The following ABCC5 variants were observed in gnomAD, a reference collection of about 807,000 sequenced individuals.
The protein encoded by ABCC5 is ATP-binding cassette sub-family C member 5.
Under a neutral mutation model 160.9 loss-of-function variants are expected in ABCC5, and 61 were observed. That is an observed-to-expected ratio of 0.38 (90% CI 0.31 to 0.47). ABCC5 has a LOEUF of 0.47. Ranked by LOEUF, ABCC5 falls within the 20% of genes least tolerant of loss-of-function variation. ABCC5 has a pLI of 0.99. For synonymous variants in ABCC5, 666 were observed against 700.6 expected (o/e 0.95, Z 0.78); for missense variants, 1,308 against 1,813.3 (o/e 0.72, Z 5.06).
At chr3:184,002,743 G>A (rs1720853425) in intron 2 of ABCC5, among the ~76,000 whole-genome samples, 1 of 152,168 alleles carries the variant, frequency 6.6e-6, no homozygotes, top group South Asian at 2.1e-4. Flanking sequence ...CAGATACCAG[G>A]GGCCAGAAAT....
At chr3:183,999,506 G>A (rs1576927539) in intron 2 of ABCC5, among the ~76,000 whole-genome samples, 1 of 152,156 alleles carries the variant, frequency 6.6e-6, no homozygotes, top group African/African-American at 2.4e-5. Flanking sequence ...TGGGCCAGGT[G>A]CACTGGCTCA....
Position 183,920,044 on chromosome 3 carries a change from G to A in ABCC5, c.*1256C>T, listed in dbSNP as rs1711831777. Reference sequence around the variant, plus strand: ...TGTCTAGTTGGTCACGACATGCAACGCTGACCATTCAATTGATGACAGCAG... The same window carrying A: ...TGTCTAGTTGGTCACGACATGCAACACTGACCATTCAATTGATGACAGCAG... On this transcript the variant is annotated 3_prime_UTR_variant, in exon 30 of 30. Transcript: ENST00000334444. This position sits in a 1 kb window ranked among gnomAD's most constrained non-coding sequence, Gnocchi z 4.1. 6.6e-6 allele frequency: 1 copy of A among 152,630 alleles called. No individual in the cohort carries two copies. The highest frequency in any genetic ancestry group is 2.4e-5 in the African/African-American group (1 of 41,428). The allele number at this position is 152,630 out of a possible 1,614,324, so 9.5% of individuals were successfully genotyped here.
chr3:184,001,097 T>C, intron 2 of ABCC5: 1 of 412,388 alleles, frequency 2.4e-6, no homozygotes, highest in Non-Finnish European at 4.3e-6. Context: ...TATAAAAAAT[T>C]TAAAAGTTAG....
chr3:183,984,709 A>G (rs1719044902), intron 5 of ABCC5: 5 of 1,523,498 alleles, frequency 3.3e-6, no homozygotes, highest in South Asian at 2.5e-5. Flanking sequence ...ACCACTGTAT[A>G]CAGCCGGGTT....
intron 2 of ABCC5, among the ~76,000 whole-genome samples, chr3:183,999,549 G>T (rs950487347): frequency 1.8e-4 from 27 of 152,102 alleles, no homozygotes; most frequent in African/African-American, 6.5e-4. Flanking sequence ...AGGCCAAAGT[G>T]GGAGGATCGC....
Position 183,994,927 on chromosome 3 carries a change from G to A in ABCC5, c.130-5544C>T, listed in dbSNP as rs890419012. 2.7e-5 allele frequency among the ~76,000 whole-genome samples: 4 copies of A among 147,258 alleles called. No individual in the cohort carries two copies. In the East Asian group the frequency reaches 6.1e-4, roughly 22 times the overall value. Reference sequence around the variant, plus strand: ...GCTGGGAGTGCAATGGCATGATCACGGCTCATTGCAGCCTTGAACTCCCAG... The same window carrying A: ...GCTGGGAGTGCAATGGCATGATCACAGCTCATTGCAGCCTTGAACTCCCAG... On this transcript the variant is annotated intron_variant, in intron 2 of 29. Coordinates refer to ENST00000334444, the MANE Select transcript of ABCC5 (RefSeq NM_005688.4).
At chr3:183,967,133 C>A (rs1717294802) in intron 12 of ABCC5, among the ~76,000 whole-genome samples, 1 of 151,946 alleles carries the variant, frequency 6.6e-6, no homozygotes, top group African/African-American at 2.4e-5. Context: ...CTGGGCCCTG[C>A]ACGCTGTTCA....
intron 16 of ABCC5, among the ~76,000 whole-genome samples, chr3:183,960,709 G>C (rs1170042794): frequency 6.6e-6 from 1 of 152,032 alleles, no homozygotes; most frequent in Non-Finnish European, 1.5e-5. Context: ...GGGCACACAG[G>C]GACTCAATAA....
intron 2 of ABCC5, among the ~76,000 whole-genome samples, chr3:183,997,197 C>T (rs1720352104): frequency 6.6e-6 from 1 of 151,846 alleles, no homozygotes; most frequent in African/African-American, 2.4e-5. Context: ...ATGAAGATCT[C>T]CACAGGCAGA....
chr3:183,941,991 A>G (rs549082857), intron 25 of ABCC5, among the ~76,000 whole-genome samples: 1 of 152,114 alleles, frequency 6.6e-6, no homozygotes, highest in East Asian at 1.9e-4. Flanking sequence ...AAAGAAGTAA[A>G]TTACTCAAGT....
At chr3:183,934,237 CA>C (rs1445878266) in intron 26 of ABCC5, among the ~76,000 whole-genome samples, 3 of 152,210 alleles carry the variant, frequency 2.0e-5, no homozygotes, top group Non-Finnish European at 4.4e-5. Context: ...ACCCAGGAGG[CA>C]GAGGTTGCAG....
Position 183,973,801 on chromosome 3 carries a change from A to G in ABCC5, c.1405-1882T>C, listed in dbSNP as rs1717980730. Among the ~76,000 whole-genome samples the G allele has an allele frequency of 2.6e-5, 4 of 152,192 alleles. No individual in the cohort carries two copies. In the South Asian group the frequency reaches 8.3e-4, roughly 32 times the overall value. On this transcript the variant is annotated intron_variant, in intron 10 of 29. Transcript: ENST00000334444. The stretch of plus-strand genomic sequence containing the variant: ...TTGAACTAAGAGTAACATGCCAAAC[A>G]TTTTGATCACCTTCACAGAGTAAAA...
intron 25 of ABCC5, among the ~76,000 whole-genome samples, chr3:183,940,172 G>A (rs936662367): frequency 3.9e-5 from 6 of 152,152 alleles, no homozygotes; most frequent in Non-Finnish European, 5.9e-5. Flanking sequence ...AACCTGGTCC[G>A]TCTAGCAGGA....
At chr3:184,013,551 G>T (rs1721934529) in intron 2 of ABCC5, among the ~76,000 whole-genome samples, 1 of 152,086 alleles carries the variant, frequency 6.6e-6, no homozygotes, top group South Asian at 2.1e-4. Context: ...ACTGTGCCTG[G>T]CCAGGTTCAC....
chr3:183,961,459 G>A, intron 16 of ABCC5, 52 bp downstream of exon 16: 1 of 1,600,564 alleles, frequency 6.2e-7, no homozygotes, highest in Non-Finnish European at 8.5e-7. Flanking sequence ...CTCCGGCTGT[G>A]TTTCCCTTGC....
At chr3:184,002,185 G>A (rs1362407252) in intron 2 of ABCC5, among the ~76,000 whole-genome samples, 1 of 152,110 alleles carries the variant, frequency 6.6e-6, no homozygotes. Context: ...ATCACCTAAG[G>A]TTGGGAGTTC....
rs140504738 is a variant in ABCC5 at position 183,952,207 on chromosome 3, C to T, written c.2668-204G>A. Among the ~76,000 whole-genome samples, 542 of 146,670 alleles carry T rather than the reference C, an allele frequency of 3.7e-3. 2 individuals carry two copies. Among genetic ancestry groups the T allele is most frequent in the African/African-American group, 0.013 (504 of 38,610 alleles). On this transcript the variant is annotated intron_variant, in intron 18 of 29. Transcript: ENST00000334444. ...TGTCACCCAGGCTGGAGTGCAGTGGCGCAATCATGGCTCACTGCACCCTCT... is the reference window on the plus strand; with the variant it reads ...TGTCACCCAGGCTGGAGTGCAGTGGTGCAATCATGGCTCACTGCACCCTCT...
intron 10 of ABCC5, among the ~76,000 whole-genome samples, chr3:183,976,263 A>C (rs142189300): frequency 2.8e-4 from 42 of 151,974 alleles, no homozygotes; most frequent in East Asian, 2.5e-3. Context: ...ACAAAAAAAA[A>C]CAAAAACACA....
At position 184,007,468 on chromosome 3, in the gene ABCC5, G is replaced by A. The variant is rs192602771; in HGVS notation, c.129+6796C>T. On this transcript the variant is annotated intron_variant, in intron 2 of 29. Transcript: ENST00000334444. ...CTCATAAAAGCATCTGACAAGCTTT[G>A]TCTTGCTTTTGCTTAAATATTAATT... is the stretch of plus-strand genomic sequence containing the variant. 2.0e-5 allele frequency among the ~76,000 whole-genome samples: 3 copies of A among 152,268 alleles called. No individual in the cohort carries two copies. In the East Asian group the frequency reaches 5.8e-4, roughly 29 times the overall value.
Sources: gnomAD v4.1 joint callset for allele counts (sites outside exome capture counted in the v4.1 genomes callset) on GRCh38, gnomAD v4.1.1 for gene constraint, Gnocchi (gnomAD v3.1) non-coding constraint, MANE v1.5 for transcripts, NCBI Gene and HGNC (gene_info 2026-07-23, HGNC 2026-07-21) for gene names.